The following ZNF804B variants were observed in gnomAD, a reference collection of about 807,000 sequenced individuals.
The protein encoded by ZNF804B is zinc finger 804B.
Under a neutral mutation model 101.4 loss-of-function variants are expected in ZNF804B, and 80 were observed. The observed-to-expected ratio is 0.79, with a 90% confidence interval of 0.66 to 0.95. The LOEUF (loss-of-function observed/expected upper bound fraction) is 0.95, where lower values mean the gene tolerates loss of function less well. Among genes scored for constraint, ZNF804B ranks in the 40% least tolerant of loss-of-function variants. The pLI is 0.00. For missense variants in ZNF804B, 1,673 were observed against 1,561.9 expected, an observed-to-expected ratio of 1.07 and a Z score of -1.20; for synonymous variants, 622 against 558.8, an observed-to-expected ratio of 1.11 and a Z score of -1.59.
intron 1 of ZNF804B, among the ~76,000 whole-genome samples, chr7:88,812,320 T>C (rs1328026446): frequency 1.3e-5 from 2 of 152,192 alleles, no homozygotes; most frequent in Non-Finnish European, 2.9e-5. Context: ...TAGTGTGCAC[T>C]TAACATCCAT....
intron 2 of ZNF804B, among the ~76,000 whole-genome samples, chr7:89,318,223 G>GGGC (rs1790762341): frequency 6.6e-6 from 1 of 152,128 alleles, no homozygotes; most frequent in Non-Finnish European, 1.5e-5. Flanking sequence ...TGGGTGGCAG[G>GGGC]GGCTAATAGG....
chr7:88,958,992 C>T (rs1793353888), intron 1 of ZNF804B, among the ~76,000 whole-genome samples: 1 of 151,414 alleles, frequency 6.6e-6, no homozygotes, highest in African/African-American at 2.4e-5. Flanking sequence ...CAAGGTTTCA[C>T]CTGTGATTGA....
chr7:88,854,573 T>G, intron 1 of ZNF804B, among the ~76,000 whole-genome samples: 1 of 137,564 alleles, frequency 7.3e-6, no homozygotes, highest in Admixed American at 7.7e-5. Context: ...CTTCCTTCCT[T>G]CCTTCCTTCC....
intron 1 of ZNF804B, among the ~76,000 whole-genome samples, chr7:89,104,928 C>T (rs1790112683): frequency 6.6e-6 from 1 of 151,918 alleles, no homozygotes; most frequent in Non-Finnish European, 1.5e-5. Context: ...CAAACATGTT[C>T]TTCTACTGTG....
rs1248201615 is a variant in ZNF804B at position 89,333,805 on chromosome 7, C to A, written c.823C>A (p.Leu275Ile). The stretch of plus-strand genomic sequence containing the variant: ...CAGGTTTGCAAATAAAGATACACAC[C>A]TTACCAAGGAAAAAGAGGTAAATAT... ...CCRFANKDTH[L>I]TKEKEVNISP... Residue 275 changes from leucine to isoleucine, a missense_variant, in exon 4 of 4, where the codon CTT becomes ATT. Physicochemically the swap from Leu to Ile is conservative, Grantham distance 5. Coordinates refer to ENST00000333190, the MANE Select transcript of ZNF804B (RefSeq NM_181646.5). 6.2e-7 allele frequency: 1 copy of A among 1,613,288 alleles called. No individual in the cohort carries two copies. Among genetic ancestry groups the A allele is most frequent in the Non-Finnish European group, 8.5e-7 (1 of 1,179,664 alleles).
intron 2 of ZNF804B, among the ~76,000 whole-genome samples, chr7:89,230,123 CA>C (rs1293431230): frequency 6.6e-6 from 1 of 151,482 alleles, no homozygotes; most frequent in Non-Finnish European, 1.5e-5. Flanking sequence ...AAAAAAACTG[CA>C]AAAAGAACAG....
At chr7:89,062,403 A>G (rs765557768) in intron 1 of ZNF804B, among the ~76,000 whole-genome samples, 7 of 151,782 alleles carry the variant, frequency 4.6e-5, no homozygotes, top group Non-Finnish European at 8.8e-5. Flanking sequence ...TATTGACCTG[A>G]CTTCTACCCA....
chr7:89,268,216 T>G (rs1789828629), intron 2 of ZNF804B, among the ~76,000 whole-genome samples: 1 of 152,082 alleles, frequency 6.6e-6, no homozygotes. Context: ...TCCAACTCCC[T>G]ATCAACAGAC....
intron 1 of ZNF804B, among the ~76,000 whole-genome samples, chr7:88,986,846 A>C (rs577619434): frequency 6.6e-6 from 1 of 152,250 alleles, no homozygotes; most frequent in South Asian, 2.1e-4. Context: ...GAGTAAGCTC[A>C]GAGCTGAACA....
chr7:88,785,326 G>A (rs553727159), intron 1 of ZNF804B, among the ~76,000 whole-genome samples: 14 of 151,920 alleles, frequency 9.2e-5, no homozygotes, highest in Non-Finnish European at 1.6e-4. Context: ...TATTGGACAC[G>A]TCTCTTGATT....
At position 89,089,059 on chromosome 7, in the gene ZNF804B, T is replaced by G. The variant is rs563644906; in HGVS notation, c.109-129096T>G. On this transcript the variant is annotated intron_variant, in intron 1 of 3. Coordinates refer to ENST00000333190, the MANE Select transcript of ZNF804B (RefSeq NM_181646.5). ...AAGCCTTTTTTTCCTTTTTTTTTCT[T>G]TTTTTTTTTTTTCCTAGGGAGTCTA... Among the ~76,000 whole-genome samples, 361 of 145,860 alleles carry G rather than the reference T, an allele frequency of 2.5e-3. 1 individual carries two copies. The highest frequency in any genetic ancestry group is 8.2e-3 in the African/African-American group (323 of 39,400).
Position 88,987,108 on chromosome 7 carries a change from A to G in ZNF804B, c.108+227024A>G, listed in dbSNP as rs575575998. ...TTACTTGTCCCTCAACTACTTGATT[A>G]TTACAATTGCATGAAATTTTATTCC... On this transcript the variant is annotated intron_variant, in intron 1 of 3. Transcript: ENST00000333190. Among the ~76,000 whole-genome samples, 284 of 152,216 alleles carry G rather than the reference A, an allele frequency of 1.9e-3. 1 individual carries two copies. The highest frequency in any genetic ancestry group is 2.5e-3 in the South Asian group (12 of 4,826).
chr7:88,833,906 T>C (rs1239163721), intron 1 of ZNF804B, among the ~76,000 whole-genome samples: 6 of 151,778 alleles, frequency 4.0e-5, no homozygotes, highest in Non-Finnish European at 8.8e-5. Context: ...TTTCTTTTTA[T>C]CAGAAACACT....
intron 1 of ZNF804B, among the ~76,000 whole-genome samples, chr7:88,800,726 G>C (rs1007753545): frequency 7.6e-6 from 1 of 131,168 alleles, no homozygotes; most frequent in African/African-American, 3.1e-5. Flanking sequence ...GTGTGTGTGT[G>C]TGTGTGTGCT....
At position 89,266,876 on chromosome 7, in the gene ZNF804B, T is replaced by TG. The variant is rs201107497; in HGVS notation, c.249+48581_249+48582insG. Among the ~76,000 whole-genome samples, 395 of 147,846 alleles carry TG rather than the reference T, an allele frequency of 2.7e-3. 2 individuals are homozygous for TG. The highest frequency in any genetic ancestry group is 7.1e-3 in the Middle Eastern group (2 of 282). On this transcript the variant is annotated intron_variant, in intron 2 of 3. Coordinates refer to ENST00000333190, the MANE Select transcript of ZNF804B (RefSeq NM_181646.5). ...TAGTACTAATGTTTGTGTGTCTGTGTTTGTGTGTGTGTGTGTCTTTGGGAG... is the reference window on the plus strand; with the variant it reads ...TAGTACTAATGTTTGTGTGTCTGTGTGTTGTGTGTGTGTGTGTCTTTGGGAG...
intron 1 of ZNF804B, among the ~76,000 whole-genome samples, chr7:88,988,899 A>G (rs1194093637): frequency 6.6e-6 from 1 of 152,154 alleles, no homozygotes; most frequent in African/African-American, 2.4e-5. Context: ...CTCCCATTAA[A>G]TCAGTGGGTT....
chr7:88,836,529 A>G (rs899710574), intron 1 of ZNF804B, among the ~76,000 whole-genome samples: 1 of 151,954 alleles, frequency 6.6e-6, no homozygotes, highest in African/African-American at 2.4e-5. Flanking sequence ...TAAAATTATT[A>G]TCATTCTAGG....
intron 2 of ZNF804B, among the ~76,000 whole-genome samples, chr7:89,285,019 T>C (rs1054393604): frequency 6.6e-6 from 1 of 151,788 alleles, no homozygotes; most frequent in East Asian, 1.9e-4. Context: ...AGTAATGTAG[T>C]GAGACCCTGT....
At chr7:89,070,775 C>A (rs1274178303) in intron 1 of ZNF804B, among the ~76,000 whole-genome samples, 3 of 151,928 alleles carry the variant, frequency 2.0e-5, no homozygotes, top group Non-Finnish European at 4.4e-5. Context: ...TTATAAGGAC[C>A]ATTGATTTTT....
Sources: allele counts gnomAD v4.1 joint callset (sites outside exome capture counted in the v4.1 genomes callset), GRCh38; gene constraint gnomAD v4.1.1; transcripts MANE v1.5; gene names NCBI Gene and HGNC (gene_info 2026-07-23, HGNC 2026-07-21).